Variants in STN1 observed in about 807,000 individuals in gnomAD.
STN1 encodes the protein STN1 subunit of CST complex.
Under a neutral mutation model 45.5 loss-of-function variants are expected in STN1, and 29 were observed. That is an observed-to-expected ratio of 0.64 (90% CI 0.47 to 0.87). STN1 has a LOEUF of 0.87. Ranked by LOEUF, STN1 falls within the 40% of genes least tolerant of loss-of-function variation. The probability of loss-of-function intolerance (pLI) is 0.00; values close to 1 mark genes in which losing one functional copy is unlikely to be tolerated. For missense variants in STN1, 376 were observed against 441.4 expected, an observed-to-expected ratio of 0.85 and a Z score of 1.33; for synonymous variants, 148 against 159.0, an observed-to-expected ratio of 0.93 and a Z score of 0.52.
intron 2 of STN1, among the ~76,000 whole-genome samples, chr10:103,911,351 T>G (rs2488000): frequency 0.86 from 130,622 of 152,016 alleles, 56,761 homozygotes; most frequent in East Asian, 1. Flanking sequence ...CTCCTGCAGG[T>G]CTTCCCTTCT....
At chr10:103,914,331 AATACAT>A (rs1301967367) in intron 2 of STN1, among the ~76,000 whole-genome samples, 1 of 54,556 alleles carries the variant, frequency 1.8e-5, no homozygotes, top group African/African-American at 6.3e-5. Flanking sequence ...TATTATTAAA[AATACAT>A]ATATATATAT....
chr10:103,887,217 T>C (rs1589496100), intron 9 of STN1, among the ~76,000 whole-genome samples: 1 of 152,362 alleles, frequency 6.6e-6, no homozygotes, highest in South Asian at 2.1e-4. Flanking sequence ...CTTTCATGTG[T>C]ACTGTTGACC....
At chr10:103,892,316 A>G (rs1005286201) in intron 7 of STN1, 64 bp from the exon 8 acceptor site, 12 of 1,443,466 alleles carry the variant, frequency 8.3e-6, no homozygotes, top group Non-Finnish European at 9.3e-6. Flanking sequence ...CCTGAGAACA[A>G]CTCCTAGACC....
At chr10:103,894,733 T>G (rs1843160798) in intron 7 of STN1, among the ~76,000 whole-genome samples, 1 of 149,020 alleles carries the variant, frequency 6.7e-6, no homozygotes, top group Non-Finnish European at 1.5e-5. Flanking sequence ...AAACAGTCAC[T>G]AGCTAAACGT....
chr10:103,910,439 T>C, intron 3 of STN1, 88 bp downstream of exon 3: 1 of 841,128 alleles, frequency 1.2e-6, no homozygotes, highest in Admixed American at 2.0e-5. Context: ...CCAGCTACTC[T>C]AAATGGCTGG....
At chr10:103,900,730 ACTCT>A (rs71019699) in intron 4 of STN1, among the ~76,000 whole-genome samples, 4 of 146,106 alleles carry the variant, frequency 2.7e-5, no homozygotes, top group Admixed American at 6.9e-5. Flanking sequence ...ACACACACAC[ACTCT>A]CTCTCTCTCT....
intron 2 of STN1, among the ~76,000 whole-genome samples, chr10:103,915,928 C>T (rs781428508): frequency 2.0e-5 from 3 of 151,860 alleles, no homozygotes; most frequent in Admixed American, 6.6e-5. Context: ...ATAAGGTTTG[C>T]GCTCCTAAAA....
At chr10:103,917,780 C>G (rs1241196908) in intron 1 of STN1, 124 bp from the exon 2 acceptor site, 1 of 556,500 alleles carries the variant, frequency 1.8e-6, no homozygotes, top group South Asian at 2.4e-5. Flanking sequence ...ATCCAGGGCC[C>G]TGTCAAACTC....
chr10:103,908,059 G>T (rs1325874529), intron 3 of STN1, among the ~76,000 whole-genome samples: 2 of 151,840 alleles, frequency 1.3e-5, no homozygotes, highest in African/African-American at 4.8e-5. Context: ...AACCCGGGAG[G>T]CGGGGGTTGC....
intron 4 of STN1, among the ~76,000 whole-genome samples, chr10:103,901,364 G>T (rs769987459): frequency 5.3e-5 from 8 of 152,164 alleles, no homozygotes; most frequent in Non-Finnish European, 1.2e-4. Flanking sequence ...TGGGATTATA[G>T]GTACAGTTTT....
chr10:103,882,137 C>G lies in STN1; in HGVS notation c.*547G>C, dbSNP rs1398043752. ...GCCTGTAAAGAGCATCGACCCAGGTCTCAACCCCACTGCTGGTAACTGAGC... is the reference window on the plus strand; with the variant it reads ...GCCTGTAAAGAGCATCGACCCAGGTGTCAACCCCACTGCTGGTAACTGAGC... On this transcript the variant is annotated 3_prime_UTR_variant, in exon 10 of 10. Coordinates refer to ENST00000224950, the MANE Select transcript of STN1 (RefSeq NM_024928.5). Among the ~76,000 whole-genome samples the G allele has an allele frequency of 1.3e-5, 2 of 151,994 alleles. No homozygotes were observed. Among genetic ancestry groups the G allele is most frequent in the African/African-American group, 2.4e-5 (1 of 41,394 alleles).
intron 4 of STN1, among the ~76,000 whole-genome samples, chr10:103,903,446 C>A (rs1414063191): frequency 2.6e-5 from 4 of 152,132 alleles, no homozygotes; most frequent in Non-Finnish European, 5.9e-5. Flanking sequence ...AGAAATTTAA[C>A]CCCCAATGCA....
chr10:103,914,860 G>A (rs1843318904), intron 2 of STN1, among the ~76,000 whole-genome samples: 1 of 152,156 alleles, frequency 6.6e-6, no homozygotes, highest in African/African-American at 2.4e-5. Flanking sequence ...CACAGGTGAA[G>A]GGCACAGTCC....
At chr10:103,916,014 T>C (rs1331413611) in intron 2 of STN1, among the ~76,000 whole-genome samples, 1 of 152,204 alleles carries the variant, frequency 6.6e-6, no homozygotes, top group Non-Finnish European at 1.5e-5. Context: ...ACTCACTTCC[T>C]GCTGTGTGGC....
chr10:103,906,829 T>A (rs1843244663), intron 3 of STN1, among the ~76,000 whole-genome samples: 1 of 152,196 alleles, frequency 6.6e-6, no homozygotes, highest in Non-Finnish European at 1.5e-5. Context: ...AAAGCAAGTA[T>A]ACATAATTTA....
intron 7 of STN1, among the ~76,000 whole-genome samples, chr10:103,894,065 C>T (rs1266599961): frequency 6.6e-6 from 1 of 152,156 alleles, no homozygotes; most frequent in Admixed American, 6.5e-5. Flanking sequence ...ATTCACGAGG[C>T]TTAGGGCAAA....
In STN1 at chr10:103,882,740, G is replaced by A. The variant is rs777977676; in HGVS notation, c.1051C>T (p.Leu351=). 1.9e-6 allele frequency: 3 copies of A among 1,614,200 alleles called. No individual in the cohort carries two copies. The highest frequency in any genetic ancestry group is 1.1e-5 in the South Asian group (1 of 91,084). The stretch of plus-strand genomic sequence containing the variant: ...CTGACAATGTCACTCTGGTCCTCCA[G>A]GAGCTCCAGAACTTGCTGCAGCACA... ...EAVLQQVLEL[L]EDQSDIVSTM... The change falls in exon 10 of 10, where the codon CTG becomes TTG. Residue 351 remains leucine, a synonymous_variant. Transcript: ENST00000224950.
chr10:103,898,010 G>C (rs1471301977), intron 6 of STN1, among the ~76,000 whole-genome samples: 4 of 152,192 alleles, frequency 2.6e-5, no homozygotes, highest in African/African-American at 9.6e-5. Context: ...CAAAATCTAT[G>C]GGTGAATATT....
chr10:103,903,826 A>G (rs1472593714), intron 4 of STN1, among the ~76,000 whole-genome samples: 2 of 152,250 alleles, frequency 1.3e-5, no homozygotes, highest in African/African-American at 4.8e-5. Flanking sequence ...TGATTGTCTC[A>G]TAGGTTTATT....
Sources: allele counts gnomAD v4.1 joint callset (sites outside exome capture counted in the v4.1 genomes callset), GRCh38; gene constraint gnomAD v4.1.1; transcripts MANE v1.5; gene names NCBI Gene and HGNC (gene_info 2026-07-23, HGNC 2026-07-21).